The following ELP6 variants were observed in gnomAD, a reference collection of about 807,000 sequenced individuals.
The protein encoded by ELP6 is elongator complex protein 6.
In ELP6, 23 loss-of-function variants were observed where a neutral mutation model predicts 28.1. That is an observed-to-expected ratio of 0.82 (90% CI 0.59 to 1.16). ELP6 has a LOEUF of 1.16. Among genes scored for constraint, ELP6 ranks in the 50% most tolerant of loss-of-function variants. The pLI is 0.00. For missense variants in ELP6, 313 were observed against 334.6 expected (o/e 0.94, Z 0.50); for synonymous variants, 132 against 135.8 (o/e 0.97, Z 0.19).
At chr3:47,497,963 C>T (rs923489684) in intron 6 of ELP6, 9 of 985,016 alleles carry the variant, frequency 9.1e-6, no homozygotes, top group African/African-American at 5.2e-5. Context: ...CCTGAATAGA[C>T]GACGCCTGCT....
At chr3:47,510,325 G>A in intron 2 of ELP6, 71 bp from the exon 3 acceptor site, 1 of 1,365,672 alleles carries the variant, frequency 7.3e-7, no homozygotes, top group East Asian at 2.4e-5. Flanking sequence ...CATACCTCTG[G>A]AAAAAAAAGC....
intron 5 of ELP6, chr3:47,499,896 A>T: frequency 1.5e-6 from 2 of 1,300,058 alleles, no homozygotes; most frequent in Non-Finnish European, 2.0e-6. Context: ...GAGGCGAAGC[A>T]TATGGAGGTG....
At chr3:47,503,352 T>C (rs1187456462) in intron 4 of ELP6, 2 of 1,289,758 alleles carry the variant, frequency 1.6e-6, no homozygotes, top group Non-Finnish European at 1.0e-6. Flanking sequence ...CAGAGCTATG[T>C]TTGTGGCCAA....
chr3:47,501,618 G>C (rs1250039080), intron 5 of ELP6, 32 bp downstream of exon 5: 2 of 1,606,454 alleles, frequency 1.2e-6, no homozygotes, highest in Admixed American at 3.3e-5. Context: ...GGAGGTCACA[G>C]GTGGGCGCAG....
intron 4 of ELP6, chr3:47,504,089 CA>C: frequency 2.2e-6 from 1 of 452,946 alleles, no homozygotes; most frequent in Non-Finnish European, 3.8e-6. Flanking sequence ...CACAGCAAAG[CA>C]TATAGTTCTG....
chr3:47,496,263 C>T, intron 6 of ELP6, 66 bp from the exon 7 acceptor site: 4 of 1,575,316 alleles, frequency 2.5e-6, no homozygotes, highest in Non-Finnish European at 3.4e-6. Flanking sequence ...GGGAACCCCA[C>T]CCTACCTTCT....
Position 47,495,784 on chromosome 3 carries a change from G to C in ELP6, c.*285C>G. 1 of 367,000 alleles carries C rather than the reference G, an allele frequency of 2.7e-6. No homozygotes were observed. The highest frequency in any genetic ancestry group is 8.2e-5 in the East Asian group (1 of 12,198). The allele number at this position is 367,000 out of a possible 1,614,324, so 22.7% of individuals were successfully genotyped here. On this transcript the variant is annotated 3_prime_UTR_variant, in exon 7 of 7. Transcript: ENST00000296149. ...TGTCAACCAAAAATGGGCAGCTGGG[G>C]CTAAGGCATATTTAAACAAAGGCTC...
chr3:47,511,266 G>A, intron 1 of ELP6, 40 bp from the exon 2 acceptor site: 1 of 1,604,032 alleles, frequency 6.2e-7, no homozygotes, highest in Non-Finnish European at 8.5e-7. Flanking sequence ...AGACTCCCTG[G>A]AAAGAGGTCA....
chr3:47,504,221 G>T, intron 4 of ELP6, 109 bp downstream of exon 4: 1 of 1,362,740 alleles, frequency 7.3e-7, no homozygotes, highest in Non-Finnish European at 9.8e-7. Context: ...GACTCCTGAA[G>T]CCAGTTCCAT....
At chr3:47,505,991 G>T (rs1315980465) in intron 3 of ELP6, among the ~76,000 whole-genome samples, 1 of 152,196 alleles carries the variant, frequency 6.6e-6, no homozygotes. Flanking sequence ...AGTCACGTAG[G>T]TTCTTTTCTA....
chr3:47,507,835 G>GT (rs1708887029), intron 3 of ELP6, among the ~76,000 whole-genome samples: 1 of 152,164 alleles, frequency 6.6e-6, no homozygotes, highest in Non-Finnish European at 1.5e-5. Flanking sequence ...CTCTATTTAT[G>GT]TAAGTGCAAC....
chr3:47,502,546 T>C (rs1708698127), intron 4 of ELP6: 4 of 984,142 alleles, frequency 4.1e-6, no homozygotes, highest in South Asian at 9.4e-5. Context: ...CTGGAAAAAG[T>C]TAAACAGGCT....
intron 4 of ELP6, 139 bp from the exon 5 acceptor site, chr3:47,501,990 G>T: frequency 3.7e-6 from 3 of 800,772 alleles, no homozygotes; most frequent in Non-Finnish European, 6.0e-6. Context: ...TCATGATCTG[G>T]TTAGAAAGAA....
chr3:47,513,264 T>A (rs1487054960), intron 1 of ELP6: 17 of 1,317,102 alleles, frequency 1.3e-5, no homozygotes, highest in Non-Finnish European at 1.6e-5. Flanking sequence ...ACTGCTGGGA[T>A]TACAGGGGTG....
intron 1 of ELP6, 152 bp from the exon 2 acceptor site, chr3:47,511,378 G>A: frequency 5.7e-6 from 8 of 1,406,262 alleles, no homozygotes; most frequent in East Asian, 2.6e-5. Flanking sequence ...CTGAAATGAT[G>A]AAAATAAGTC....
chr3:47,505,957 C>T (rs1708822815), intron 3 of ELP6, among the ~76,000 whole-genome samples: 2 of 152,136 alleles, frequency 1.3e-5, no homozygotes, highest in East Asian at 1.9e-4. Flanking sequence ...ATCCACCTGC[C>T]GATATCAGGA....
Position 47,504,467 on chromosome 3 carries a change from G to A in ELP6, c.205-19C>T, listed in dbSNP as rs1272344292. 1 of 1,587,550 alleles carries A rather than the reference G, an allele frequency of 6.3e-7. No homozygotes were observed. The highest frequency in any genetic ancestry group is 8.6e-7 in the Non-Finnish European group (1 of 1,165,010). ...TGACACCCTAAACATGAAAAAGAGA[G>A]TGAGTTACTATGCCTTGTAGGGGAA... On this transcript the variant is annotated intron_variant, in intron 3 of 6. Coordinates refer to ENST00000296149, the MANE Select transcript of ELP6 (RefSeq NM_001031703.3).
intron 3 of ELP6, among the ~76,000 whole-genome samples, chr3:47,508,115 C>T (rs929440739): frequency 6.6e-6 from 1 of 152,238 alleles, no homozygotes; most frequent in African/African-American, 2.4e-5. Flanking sequence ...TCTCCCTTCT[C>T]TGCAAAGGAT....
intron 3 of ELP6, among the ~76,000 whole-genome samples, chr3:47,505,520 T>C (rs893881370): frequency 6.6e-6 from 1 of 152,122 alleles, no homozygotes; most frequent in South Asian, 2.1e-4. Context: ...TTCTTGTGCC[T>C]CAACCTCTTG....
Sources: allele counts gnomAD v4.1 joint callset (sites outside exome capture counted in the v4.1 genomes callset), GRCh38; gene constraint gnomAD v4.1.1; transcripts MANE v1.5; gene names NCBI Gene and HGNC (gene_info 2026-07-23, HGNC 2026-07-21).